The following BTG1 variants were observed in gnomAD, a reference collection of about 807,000 sequenced individuals.
The protein encoded by BTG1 is protein BTG1.
BTG1 carries 2 observed loss-of-function variants against 15.2 expected under a neutral mutation model. The ratio of observed to expected loss-of-function variants is 0.13; its 90% CI spans 0.05 to 0.41. BTG1 has a LOEUF of 0.41. Among genes scored for constraint, BTG1 ranks in the 10% least tolerant of loss-of-function variants. The pLI is 0.99. For synonymous variants in BTG1, 109 were observed against 82.4 expected (o/e 1.32, Z -1.75); for missense variants, 149 against 215.0 (o/e 0.69, Z 1.92).
In BTG1 at chr12:92,143,907, A is replaced by C; in HGVS notation, c.*173T>G. On this transcript the variant is annotated 3_prime_UTR_variant, in exon 2 of 2. Transcript: ENST00000256015. Reference sequence around the variant, plus strand: ...AATTAATCATTGAAAGGTACTGTCCAAACTATGGCACTGTCACTTAAAATT... The same window carrying C: ...AATTAATCATTGAAAGGTACTGTCCCAACTATGGCACTGTCACTTAAAATT... 1 of 690,728 alleles carries C rather than the reference A, an allele frequency of 1.4e-6. No individual in the cohort carries two copies. The highest frequency in any genetic ancestry group is 2.3e-6 in the Non-Finnish European group (1 of 430,440). The allele number at this position is 690,728 out of a possible 1,614,324, so 42.8% of individuals were successfully genotyped here.
intron 1 of BTG1, 159 bp downstream of exon 1, chr12:92,145,229 C>T (rs1353692412): frequency 6.9e-6 from 8 of 1,161,764 alleles, no homozygotes; most frequent in East Asian, 6.5e-5. Context: ...TCGCGGGGAA[C>T]CGCTGTTAGC....
rs1461550478 is a variant in BTG1 at position 92,141,120 on chromosome 12, A to G, written c.*2960T>C. On this transcript the variant is annotated 3_prime_UTR_variant, in exon 2 of 2. Coordinates refer to ENST00000256015, the MANE Select transcript of BTG1 (RefSeq NM_001731.3). ...AGTCATTAAACACTAGCCATCGGGA[A>G]TACGGCTTCCTTCCTTTTAACTTGA... 4.3e-6 allele frequency: 1 copy of G among 232,838 alleles called. No homozygotes were observed. The highest frequency in any genetic ancestry group is 8.5e-6 in the Non-Finnish European group (1 of 117,774). The allele number at this position is 232,838 out of a possible 1,614,324, so 14.4% of individuals were successfully genotyped here.
At position 92,144,464 on chromosome 12, in the gene BTG1, G is replaced by A. The variant is rs749025634; in HGVS notation, c.149-17C>T. 1.9e-5 allele frequency: 31 copies of A among 1,610,078 alleles called. No individual in the cohort carries two copies. The highest frequency in any genetic ancestry group is 2.6e-5 in the Non-Finnish European group (31 of 1,179,010). On this transcript the variant is annotated splice_polypyrimidine_tract_variant and intron_variant, in intron 1 of 1. Transcript: ENST00000256015. ...TATAATGTTCTATAGAAGAAAAGAA[G>A]AACAGAGAAACAACGCTTAGGATCG...
At position 92,142,403 on chromosome 12, in the gene BTG1, C is replaced by T. The variant is rs972645975; in HGVS notation, c.*1677G>A. 5.2e-5 allele frequency: 12 copies of T among 231,350 alleles called. No homozygotes were observed. Among genetic ancestry groups the T allele is most frequent in the Non-Finnish European group, 9.4e-5 (11 of 117,098 alleles). 14.3% of individuals were successfully genotyped at this position (231,350 alleles called of 1,614,324 possible). A position where few individuals can be genotyped will look rare whatever the true frequency, so the allele number is the denominator to read the frequency against. On this transcript the variant is annotated 3_prime_UTR_variant, in exon 2 of 2. Transcript: ENST00000256015. ...TGTAGAGCAAAATTCAATTTTTCCA[C>T]TTTCAATTTCCACTGAAAAACGCTG...
At position 92,142,663 on chromosome 12, in the gene BTG1, G is replaced by A; in HGVS notation, c.*1417C>T. On this transcript the variant is annotated 3_prime_UTR_variant, in exon 2 of 2. Coordinates refer to ENST00000256015, the MANE Select transcript of BTG1 (RefSeq NM_001731.3). ...ATGTACATCTTGCAGGTGATGAAAA[G>A]CAAAAAGCAACCAATCTCTCTGTGG... 4.3e-6 allele frequency: 1 copy of A among 233,040 alleles called. No individual in the cohort carries two copies. The highest frequency in any genetic ancestry group is 6.0e-5 in the East Asian group (1 of 16,530). The allele number at this position is 233,040 out of a possible 1,614,324, so 14.4% of individuals were successfully genotyped here. A position where few individuals can be genotyped will look rare whatever the true frequency, so the allele number is the denominator to read the frequency against.
In BTG1 at chr12:92,142,963, G is replaced by A. The variant is rs1241244147; in HGVS notation, c.*1117C>T. The A allele has an allele frequency of 4.3e-6, 1 of 232,878 alleles. No individual in the cohort carries two copies. The highest frequency in any genetic ancestry group is 8.5e-6 in the Non-Finnish European group (1 of 117,964). The allele number at this position is 232,878 out of a possible 1,614,324, so 14.4% of individuals were successfully genotyped here. ...GAAATTTTTAAAACATGCTACTCCT[G>A]TGTTTCCTGTAAAACCTAAACATGT... On this transcript the variant is annotated 3_prime_UTR_variant, in exon 2 of 2. Transcript: ENST00000256015.
chr12:92,142,115 G>C lies in BTG1; in HGVS notation c.*1965C>G. 2 of 232,170 alleles carry C rather than the reference G, an allele frequency of 8.6e-6. No homozygotes were observed. Among genetic ancestry groups the C allele is most frequent in the East Asian group, 1.2e-4 (2 of 16,404 alleles). 14.4% of individuals were successfully genotyped at this position (232,170 alleles called of 1,614,324 possible). ...AATTGGCAAGGGTAGTCCATGTGTT[G>C]CGGGTCTACGAATTCTAACTCTCGA... On this transcript the variant is annotated 3_prime_UTR_variant, in exon 2 of 2. Transcript: ENST00000256015.
rs1209708021 is a variant in BTG1, at chr12:92,144,213, G to A, written c.383C>T (p.Ser128Leu). ...DGSICVLYEA[S>L]PAGGSTQNST... is the part of the protein sequence containing the mutation. Reference sequence around the variant, plus strand: ...GTTTTGAGTGCTACCTCCTGCTGGTGAGGCTTCATACAGCACACAGATGGA... The same window carrying A: ...GTTTTGAGTGCTACCTCCTGCTGGTAAGGCTTCATACAGCACACAGATGGA... Residue 128 changes from serine (S) to leucine (L), a missense_variant, in exon 2 of 2, where the codon TCA becomes TTA. This residue lies in a region of BTG1 where 52 missense variants were observed against 57.4 expected (regional missense o/e 0.91). Coordinates refer to ENST00000256015, the MANE Select transcript of BTG1 (RefSeq NM_001731.3). 6.2e-7 allele frequency: 1 copy of A among 1,614,198 alleles called. No homozygotes were observed. The highest frequency in any genetic ancestry group is 8.5e-7 in the Non-Finnish European group (1 of 1,180,044).
Position 92,144,070 on chromosome 12 carries a change from A to G in BTG1, c.*10T>C, listed in dbSNP as rs28399543. ...CATCATCATCAGATGATCCATCCAC[A>G]GACTATATCTTAACCTGATACAGTC... On this transcript the variant is annotated 3_prime_UTR_variant, in exon 2 of 2. Transcript: ENST00000256015. The G allele has an allele frequency of 0.014, 21,921 of 1,609,688 alleles. 209 individuals carry two copies. The highest frequency in any genetic ancestry group is 0.037 in the African/African-American group (2,742 of 74,836).
In BTG1 at chr12:92,142,147, T is replaced by C. The variant is rs1870275235; in HGVS notation, c.*1933A>G. The stretch of plus-strand genomic sequence containing the variant: ...TACGAATTCTAACTCTCGAGAATGG[T>C]GTGCCAATAATATCCACAGACATTT... On this transcript the variant is annotated 3_prime_UTR_variant, in exon 2 of 2. Coordinates refer to ENST00000256015, the MANE Select transcript of BTG1 (RefSeq NM_001731.3). 1 of 232,256 alleles carries C rather than the reference T, an allele frequency of 4.3e-6. No individual in the cohort carries two copies. The allele number at this position is 232,256 out of a possible 1,614,324, so 14.4% of individuals were successfully genotyped here.
rs1870374325 is a variant in BTG1 at position 92,143,369 on chromosome 12, T to G, written c.*711A>C. ...AAACCAGACCTCCACTTTCTAAAAA[T>G]AAGAAGTTTACTCAGTCTTAGAAAA... On this transcript the variant is annotated 3_prime_UTR_variant, in exon 2 of 2. Coordinates refer to ENST00000256015, the MANE Select transcript of BTG1 (RefSeq NM_001731.3). 2.6e-5 allele frequency: 6 copies of G among 233,044 alleles called. 1 individual carries two copies. The East Asian group carries it at 3.6e-4, about 14-fold the overall frequency. The allele number at this position is 233,044 out of a possible 1,614,324, so 14.4% of individuals were successfully genotyped here.
intron 1 of BTG1, 151 bp downstream of exon 1, chr12:92,145,237 A>C (rs1275088046): frequency 8.3e-7 from 1 of 1,198,822 alleles, no homozygotes; most frequent in South Asian, 2.2e-5. Flanking sequence ...AACCGCTGTT[A>C]GCGGCCACCC....
rs964886692 is a variant in BTG1 at position 92,142,046 on chromosome 12, C to G, written c.*2034G>C. 5 of 231,418 alleles carry G rather than the reference C, an allele frequency of 2.2e-5. No individual in the cohort carries two copies. Among genetic ancestry groups the G allele is most frequent in the African/African-American group, 8.9e-5 (4 of 45,176 alleles). 14.3% of individuals were successfully genotyped at this position (231,418 alleles called of 1,614,324 possible). A position where few individuals can be genotyped will look rare whatever the true frequency, so the allele number is the denominator to read the frequency against. On this transcript the variant is annotated 3_prime_UTR_variant, in exon 2 of 2. Transcript: ENST00000256015. ...TTATTGTAATTCAAGTTTGAAATAC[C>G]GAGGAGCTTTTTCACAGAATAGGTT...
At position 92,142,900 on chromosome 12, in the gene BTG1, G is replaced by A; in HGVS notation, c.*1180C>T. 1 of 232,862 alleles carries A rather than the reference G, an allele frequency of 4.3e-6. No homozygotes were observed. The highest frequency in any genetic ancestry group is 8.5e-6 in the Non-Finnish European group (1 of 117,806). 14.4% of individuals were successfully genotyped at this position (232,862 alleles called of 1,614,324 possible). ...GTGGTCTCTTATCCTTATTTCATGA[G>A]ATCATTAGCCTGTGAATGTGTCCAT... On this transcript the variant is annotated 3_prime_UTR_variant, in exon 2 of 2. Transcript: ENST00000256015.
rs1870245224 is a variant in BTG1, at chr12:92,141,817, G to A, written c.*2263C>T. 4.3e-6 allele frequency: 1 copy of A among 231,546 alleles called. No individual in the cohort carries two copies. Among genetic ancestry groups the A allele is most frequent in the South Asian group, 1.8e-4 (1 of 5,504 alleles). The allele number at this position is 231,546 out of a possible 1,614,324, so 14.3% of individuals were successfully genotyped here. On this transcript the variant is annotated 3_prime_UTR_variant, in exon 2 of 2. Transcript: ENST00000256015. ...TCTAAAATAAACATTTTTATTAACT[G>A]TTTCCATCATTTTCAAAGATTGAAA... is the stretch of plus-strand genomic sequence containing the variant.
chr12:92,144,467 C>G lies in BTG1; in HGVS notation c.149-20G>C. ...AATGTTCTATAGAAGAAAAGAAGAA[C>G]AGAGAAACAACGCTTAGGATCGTTA... On this transcript the variant is annotated intron_variant, in intron 1 of 1. Transcript: ENST00000256015. The G allele has an allele frequency of 6.2e-7, 1 of 1,609,776 alleles. No homozygotes were observed. The highest frequency in any genetic ancestry group is 1.1e-5 in the South Asian group (1 of 90,282).
At chr12:92,144,725 C>T (rs972317854) in intron 1 of BTG1, among the ~76,000 whole-genome samples, 1 of 152,210 alleles carries the variant, frequency 6.6e-6, no homozygotes, top group Non-Finnish European at 1.5e-5. Context: ...GTCGGGAAGC[C>T]ACTGGCACCT....
chr12:92,145,321 C>T (rs1870512848), intron 1 of BTG1, 67 bp downstream of exon 1: 2 of 1,403,448 alleles, frequency 1.4e-6, no homozygotes, highest in Non-Finnish European at 1.9e-6. Context: ...TTCCCGCAGC[C>T]CCGACGGCCG....
intron 1 of BTG1, 141 bp from the exon 2 acceptor site, chr12:92,144,588 G>A: frequency 8.7e-7 from 1 of 1,148,160 alleles, no homozygotes; most frequent in Non-Finnish European, 1.2e-6. Context: ...ATCCGTTGTT[G>A]TGCATGTGCG....
Sources: gnomAD v4.1 joint callset for allele counts (sites outside exome capture counted in the v4.1 genomes callset) on GRCh38, gnomAD v4.1.1 for gene constraint, gnomAD v4.1.1 regional missense constraint, MANE v1.5 for transcripts, NCBI Gene and HGNC (gene_info 2026-07-23, HGNC 2026-07-21) for gene names.